The following FOXK1 variants were observed in gnomAD, a reference collection of about 807,000 sequenced individuals.
FOXK1 encodes the protein forkhead box K1, also known as forkhead box protein K1.
Under a neutral mutation model 51.9 loss-of-function variants are expected in FOXK1, and 19 were observed. The observed-to-expected ratio is 0.37, with a 90% CI of 0.26 to 0.54. FOXK1 has a LOEUF of 0.54. Among genes scored for constraint, FOXK1 ranks in the 20% least tolerant of loss-of-function variants. The pLI, the probability that FOXK1 is intolerant of heterozygous loss-of-function variation, is 0.87. For synonymous variants in FOXK1, 537 were observed against 482.6 expected (o/e 1.11, Z -1.48); for missense variants, 870 against 1,032.7 (o/e 0.84, Z 2.16).
At chr7:4,752,204 G>A (rs1780788473) in intron 2 of FOXK1, among the ~76,000 whole-genome samples, 1 of 152,184 alleles carries the variant, frequency 6.6e-6, no homozygotes, top group Admixed American at 6.5e-5. Flanking sequence ...GAGTGCAGTG[G>A]CACAATTATA....
chr7:4,686,167 G>T (rs768998519), intron 1 of FOXK1, among the ~76,000 whole-genome samples: 1 of 152,154 alleles, frequency 6.6e-6, no homozygotes, highest in Non-Finnish European at 1.5e-5. Context: ...TTGTGAATTT[G>T]TTTACTGTAA....
chr7:4,750,289 G>A (rs1176209993), intron 2 of FOXK1, among the ~76,000 whole-genome samples: 2 of 152,102 alleles, frequency 1.3e-5, no homozygotes, highest in South Asian at 2.1e-4. Context: ...GGGCCTGACC[G>A]AGGCCTGGGG....
chr7:4,714,640 T>A (rs1288719248), intron 1 of FOXK1, among the ~76,000 whole-genome samples: 2 of 152,206 alleles, frequency 1.3e-5, no homozygotes, highest in Non-Finnish European at 2.9e-5. Flanking sequence ...AAAGTAGGAG[T>A]GCGTGCTTGC....
rs368324911 is a variant in FOXK1 at position 4,745,773 on chromosome 7, C to G, written c.746+4750C>G. Among the ~76,000 whole-genome samples the G allele has an allele frequency of 1.1e-4, 17 of 151,986 alleles. No homozygotes were observed. The East Asian group carries it at 1.9e-3, about 17-fold the overall frequency. On this transcript the variant is annotated intron_variant, in intron 2 of 8. Coordinates refer to ENST00000328914, the MANE Select transcript of FOXK1 (RefSeq NM_001037165.2). This position sits in a 1 kb window ranked among gnomAD's most constrained non-coding sequence, Gnocchi z 4.3. ...ACAAAAATGAGCCAGGTGTGTAATC[C>G]AAGCTACTTGGGAGGCTGAGGCAGG...
rs1781021993 is a variant in FOXK1 at position 4,767,077 on chromosome 7, T to C, written c.*4613T>C. 6.6e-6 allele frequency: 1 copy of C among 152,178 alleles called. No homozygotes were observed. The highest frequency in any genetic ancestry group is 2.4e-5 in the African/African-American group (1 of 41,440). The allele number at this position is 152,178 out of a possible 1,614,324, so 9.4% of individuals were successfully genotyped here. A position where few individuals can be genotyped will look rare whatever the true frequency, so the allele number is the denominator to read the frequency against. On this transcript the variant is annotated 3_prime_UTR_variant, in exon 9 of 9. Transcript: ENST00000328914. This position sits in a 1 kb window ranked among gnomAD's most constrained non-coding sequence, Gnocchi z 6.6. ...GAGCCGGCGGGAGTGCAGGTCTGTT[T>C]TGCTTCAGAAGCCTCACATTCTGCT...
At chr7:4,737,239 TC>T (rs1394351224) in intron 1 of FOXK1, among the ~76,000 whole-genome samples, 1 of 152,226 alleles carries the variant, frequency 6.6e-6, no homozygotes, top group Non-Finnish European at 1.5e-5. Context: ...ATAGGGACTT[TC>T]ACGACACAGA....
chr7:4,699,830 G>GT (rs1779999210), intron 1 of FOXK1, among the ~76,000 whole-genome samples: 1 of 152,208 alleles, frequency 6.6e-6, no homozygotes, highest in African/African-American at 2.4e-5. Flanking sequence ...TCTGGTAACA[G>GT]TTTTTTAATT....
Position 4,764,802 on chromosome 7 carries a change from C to T in FOXK1, c.*2338C>T, listed in dbSNP as rs1210624225. 3 of 152,344 alleles carry T rather than the reference C, an allele frequency of 2.0e-5. No homozygotes were observed. Among genetic ancestry groups the T allele is most frequent in the Admixed American group, 6.5e-5 (1 of 15,282 alleles). 9.4% of individuals were successfully genotyped at this position (152,344 alleles called of 1,614,324 possible). ...AAGCTGATGTCTGCAGGGAGCGCCG[C>T]GTGCTGGGATTGCACCACGTGTTGG... is the stretch of plus-strand genomic sequence containing the variant. On this transcript the variant is annotated 3_prime_UTR_variant, in exon 9 of 9. Coordinates refer to ENST00000328914, the MANE Select transcript of FOXK1 (RefSeq NM_001037165.2).
At chr7:4,757,689 C>CTACAACAG (rs1780874664) in intron 5 of FOXK1, among the ~76,000 whole-genome samples, 1 of 134,666 alleles carries the variant, frequency 7.4e-6, no homozygotes, top group Non-Finnish European at 1.6e-5. Context: ...ACAATACACA[C>CTACAACAG]TACAACAGCT....
At chr7:4,725,079 C>T (rs77437650) in intron 1 of FOXK1, among the ~76,000 whole-genome samples, 2 of 152,260 alleles carry the variant, frequency 1.3e-5, no homozygotes, top group African/African-American at 4.8e-5. Context: ...GCGGTGCACC[C>T]GCCACCCACA....
In FOXK1 at chr7:4,767,002, T is replaced by G. The variant is rs1372308479; in HGVS notation, c.*4538T>G. The stretch of plus-strand genomic sequence containing the variant: ...CTCAGTGGGAAAAATGAAAACGTAA[T>G]GGAACACGGGGAGGTGTCGGAGAAG... On this transcript the variant is annotated 3_prime_UTR_variant, in exon 9 of 9. Transcript: ENST00000328914. The surrounding 1 kb of genome is among the most constrained non-coding windows in gnomAD (Gnocchi z 6.6). The G allele has an allele frequency of 2.0e-5, 3 of 152,192 alleles. No homozygotes were observed. Among genetic ancestry groups the G allele is most frequent in the Non-Finnish European group, 4.4e-5 (3 of 68,044 alleles). 9.4% of individuals were successfully genotyped at this position (152,192 alleles called of 1,614,324 possible). A position where few individuals can be genotyped will look rare whatever the true frequency, so the allele number is the denominator to read the frequency against.
rs1488251209 is a variant in FOXK1, at chr7:4,762,345, T to G, written c.2083T>G (p.Ser695Ala). ...ATATTASASA[S>A]STGEPEVKRS... ...TGCCACCACCGCCTCTGCCTCCGCCTCTTCCACTGGAGAGCCCGAGGTCAA... is the reference window on the plus strand; with the variant it reads ...TGCCACCACCGCCTCTGCCTCCGCCGCTTCCACTGGAGAGCCCGAGGTCAA... Residue 695 changes from serine to alanine, a missense_variant, in exon 9 of 9, where the codon TCT (serine) becomes GCT (alanine). Physicochemically the swap from Ser to Ala is moderately conservative, Grantham distance 99 (BLOSUM62 1). Transcript: ENST00000328914. The surrounding 1 kb of genome is among the most constrained non-coding windows in gnomAD (Gnocchi z 5.7). 6.4e-7 allele frequency: 1 copy of G among 1,550,810 alleles called. No individual in the cohort carries two copies. Among genetic ancestry groups the G allele is most frequent in the South Asian group, 1.2e-5 (1 of 84,056 alleles).
chr7:4,710,998 C>T (rs1367571372), intron 1 of FOXK1, among the ~76,000 whole-genome samples: 1 of 152,224 alleles, frequency 6.6e-6, no homozygotes, highest in Non-Finnish European at 1.5e-5. Context: ...GAAGCCCCAT[C>T]ACGGTGCCTG....
rs1780959479 is a variant in FOXK1, at chr7:4,763,085, G to A, written c.*621G>A. The A allele has an allele frequency of 6.5e-6, 1 of 153,546 alleles. No individual in the cohort carries two copies. The highest frequency in any genetic ancestry group is 1.5e-5 in the Non-Finnish European group (1 of 68,788). The allele number at this position is 153,546 out of a possible 1,614,324, so 9.5% of individuals were successfully genotyped here. On this transcript the variant is annotated 3_prime_UTR_variant, in exon 9 of 9. Transcript: ENST00000328914. The stretch of plus-strand genomic sequence containing the variant: ...AATTCAGACTTCATTGTACACCTGA[G>A]ACAGACACAAAAGGGATCATGTATT...
chr7:4,736,321 A>C (rs573119981), intron 1 of FOXK1, among the ~76,000 whole-genome samples: 5 of 152,232 alleles, frequency 3.3e-5, no homozygotes, highest in African/African-American at 1.2e-4. Flanking sequence ...TATAGATGGC[A>C]TTAGATCCCT....
At chr7:4,697,974 G>T (rs974112373) in intron 1 of FOXK1, among the ~76,000 whole-genome samples, 1 of 151,830 alleles carries the variant, frequency 6.6e-6, no homozygotes, top group African/African-American at 2.4e-5. Flanking sequence ...ACAAGGGTGC[G>T]CCATCATGCC....
chr7:4,682,776 G>C lies in FOXK1; in HGVS notation c.468G>C (p.Pro156=), dbSNP rs774175650. 6.3e-7 allele frequency: 1 copy of C among 1,593,872 alleles called. No homozygotes were observed. The highest frequency in any genetic ancestry group is 1.7e-5 in the Admixed American group (1 of 59,194). Residue 156 remains proline (P), a synonymous_variant, in exon 1 of 9, where the codon CCG becomes CCC. Transcript: ENST00000328914. The surrounding 1 kb of genome is among the most constrained non-coding windows in gnomAD (Gnocchi z 7.6). The part of the protein sequence containing the change: ...RRHLQLSFQE[P]HFYLRCLGKN... The stretch of plus-strand genomic sequence containing the variant: ...ACCTGCAGCTCAGCTTCCAGGAGCC[G>C]CACTTCTACCTGCGCTGCCTCGGCA...
intron 1 of FOXK1, among the ~76,000 whole-genome samples, chr7:4,739,001 C>G (rs910493677): frequency 6.6e-6 from 1 of 152,186 alleles, no homozygotes; most frequent in Non-Finnish European, 1.5e-5. Flanking sequence ...CCTTCGTCAC[C>G]CTCTGACCTG....
At chr7:4,728,724 C>CT (rs1193035487) in intron 1 of FOXK1, among the ~76,000 whole-genome samples, 26 of 52,596 alleles carry the variant, frequency 4.9e-4, no homozygotes, top group South Asian at 1.5e-3. Context: ...GACCACGTCT[C>CT]TTTTTGAAAA....
Sources: gnomAD v4.1 joint callset for allele counts (sites outside exome capture counted in the v4.1 genomes callset) on GRCh38, gnomAD v4.1.1 for gene constraint, Gnocchi (gnomAD v3.1) non-coding constraint, MANE v1.5 for transcripts, NCBI Gene and HGNC (gene_info 2026-07-23, HGNC 2026-07-21) for gene names.